Variants in GPAM observed in about 807,000 individuals in gnomAD.
GPAM encodes the protein glycerol-3-phosphate acyltransferase, mitochondrial.
A neutral mutation model predicts 105.0 loss-of-function variants in GPAM; 56 were observed. The ratio of observed to expected loss-of-function variants is 0.53; its 90% confidence interval spans 0.43 to 0.67. The LOEUF is 0.67. Among genes scored for constraint, GPAM ranks in the 30% least tolerant of loss-of-function variants. The pLI is 0.00. For missense variants in GPAM, 855 were observed against 989.8 expected (o/e 0.86, Z 1.83); for synonymous variants, 368 against 354.4 (o/e 1.04, Z -0.43).
chr10:112,168,442 C>T lies in GPAM; in HGVS notation c.977G>A (p.Cys326Tyr), dbSNP rs377719241. Residue 326 changes from cysteine (C) to tyrosine (Y), a missense_variant, in exon 11 of 22, where the codon TGT becomes TAT. Physicochemically the swap from Cys to Tyr is radical, Grantham distance 194 (BLOSUM62 -2). Coordinates refer to ENST00000348367, the MANE Select transcript of GPAM (RefSeq NM_001244949.2). ...GTRSRSGKTS[C>Y]ARAGLLSVVV... ...AACTGACAAAAGTCCTGCCCGAGCA[C>T]AAGAGGTTTTTCCACTCCTAGAACG... 6.2e-6 allele frequency: 10 copies of T among 1,612,122 alleles called. No homozygotes were observed. The African/African-American group carries it at 9.3e-5, about 15-fold the overall frequency.
rs895173125 is a variant in GPAM at position 112,151,497 on chromosome 10, G to C, written c.*2053C>G. ...AAGCATGCATATTTATCCTCACAGT[G>C]AGTTAAGTGGTGAGAGAGCTAGCAA... On this transcript the variant is annotated 3_prime_UTR_variant, in exon 22 of 22. Transcript: ENST00000348367. 1.0e-6 allele frequency: 1 copy of C among 985,712 alleles called. No homozygotes were observed. The highest frequency in any genetic ancestry group is 1.2e-6 in the Non-Finnish European group (1 of 829,814). The allele number at this position is 985,712 out of a possible 1,614,324, so 61.1% of individuals were successfully genotyped here.
chr10:112,209,242 T>C (rs1241467668), intron 1 of GPAM, among the ~76,000 whole-genome samples: 4 of 152,152 alleles, frequency 2.6e-5, no homozygotes, highest in Non-Finnish European at 5.9e-5. Context: ...GCAGGAATGA[T>C]GGTGTAGTCA....
At chr10:112,178,148 A>T in intron 4 of GPAM, 91 bp from the exon 5 acceptor site, 1 of 728,708 alleles carries the variant, frequency 1.4e-6, no homozygotes, top group Admixed American at 2.2e-5. Context: ...CTTTAATATC[A>T]AGCATAAAAA....
At chr10:112,181,135 C>T (rs975074048) in intron 3 of GPAM, among the ~76,000 whole-genome samples, 2 of 151,394 alleles carry the variant, frequency 1.3e-5, no homozygotes, top group Non-Finnish European at 2.9e-5. Context: ...TAACTTTGAG[C>T]TCAGTTGCTC....
the GPAM span, among the ~76,000 whole-genome samples, chr10:112,220,429 G>C: frequency 7.6e-4 from 112 of 148,178 alleles, no homozygotes; most frequent in African/African-American, 2.7e-3. Flanking sequence ...CATGCATCTA[G>C]AGCCATACTC....
chr10:112,153,144 C>T lies in GPAM; in HGVS notation c.*406G>A. 1 of 1,024,566 alleles carries T rather than the reference C, an allele frequency of 9.8e-7. No individual in the cohort carries two copies. Among genetic ancestry groups the T allele is most frequent in the Non-Finnish European group, 1.2e-6 (1 of 850,552 alleles). 63.5% of individuals were successfully genotyped at this position (1,024,566 alleles called of 1,614,324 possible). A position where few individuals can be genotyped will look rare whatever the true frequency, so the allele number is the denominator to read the frequency against. Reference sequence around the variant, plus strand: ...ATTAACCACTAACCAGATAATATACCAACAAATTACCCAGCAGCACTAAGT... The same window carrying T: ...ATTAACCACTAACCAGATAATATACTAACAAATTACCCAGCAGCACTAAGT... On this transcript the variant is annotated 3_prime_UTR_variant, in exon 22 of 22. Transcript: ENST00000348367.
Position 112,153,633 on chromosome 10 carries a change from C to T in GPAM, c.2404G>A (p.Val802Ile). The change falls in exon 22 of 22, where the codon GTT (valine) becomes ATT (isoleucine). Residue 802 changes from valine to isoleucine, a missense_variant. Val to Ile is a conservative substitution (Grantham distance 29). Transcript: ENST00000348367. ...FKETKQKRVSVLELSSTFLPQ... is the reference protein window; with the variant it reads ...FKETKQKRVSILELSSTFLPQ... ...AGAAAAGTGCTGCTCAGTTCTAAAA[C>T]AGACACTCTCTTTTGTTTGGTCTCC... 1.9e-6 allele frequency: 3 copies of T among 1,612,200 alleles called. No individual in the cohort carries two copies. Among genetic ancestry groups the T allele is most frequent in the East Asian group, 2.2e-5 (1 of 44,882 alleles).
upstream of GPAM, among the ~76,000 whole-genome samples, chr10:112,219,461 C>T (rs184908624): frequency 2.6e-5 from 4 of 152,328 alleles, no homozygotes; most frequent in Admixed American, 1.3e-4. Context: ...TGATTCGTGG[C>T]ACCAAGATCC....
At chr10:112,183,024 C>T (rs1418260620) in intron 1 of GPAM, 133 bp from the exon 2 acceptor site, 1 of 152,312 alleles carries the variant, frequency 6.6e-6, no homozygotes, top group Non-Finnish European at 1.5e-5. Flanking sequence ...GAAGCAATAT[C>T]CCAGAGGCAC....
chr10:112,178,012 C>T lies in GPAM; in HGVS notation c.271G>A (p.Val91Ile), dbSNP rs775175033. Residue 91 changes from valine to isoleucine, a missense_variant, in exon 5 of 22, where the codon GTT becomes ATT. Coordinates refer to ENST00000348367, the MANE Select transcript of GPAM (RefSeq NM_001244949.2). ...GTGTGAGTTTCATTGATATAAATAA[C>T]ATTCCGCAAACCCAAAGACGGGATA... ...PSIPSLGLRN[V>I]IYINETHTRH... 3 of 1,600,282 alleles carry T rather than the reference C, an allele frequency of 1.9e-6. No homozygotes were observed. The highest frequency in any genetic ancestry group is 1.7e-5 in the Admixed American group (1 of 59,966).
Position 112,152,068 on chromosome 10 carries a change from A to C in GPAM, c.*1482T>G, listed in dbSNP as rs1197355254. On this transcript the variant is annotated 3_prime_UTR_variant, in exon 22 of 22. Transcript: ENST00000348367. ...TCAGCATCCCTCCCTCTCCCAAAAC[A>C]CACATTACTCATGAGATACTATCAG... 1.0e-6 allele frequency: 1 copy of C among 982,576 alleles called. No individual in the cohort carries two copies. The highest frequency in any genetic ancestry group is 1.2e-6 in the Non-Finnish European group (1 of 827,496). 60.9% of individuals were successfully genotyped at this position (982,576 alleles called of 1,614,324 possible).
Position 112,160,025 on chromosome 10 carries a change from C to A in GPAM, c.1788G>T (p.Lys596Asn). 6.2e-7 allele frequency: 1 copy of A among 1,613,972 alleles called. No individual in the cohort carries two copies. Among genetic ancestry groups the A allele is most frequent in the Non-Finnish European group, 8.5e-7 (1 of 1,179,888 alleles). ...IACSLYAVLNKRGLGGPTSTP... is the reference protein window; with the variant it reads ...IACSLYAVLNNRGLGGPTSTP... ...TGCTAGTGGGACCCCCCAGTCCCCT[C>A]TTGTTCAGAACTGCATAAAGGCTGC... The change falls in exon 17 of 22, where the codon AAG becomes AAT. Residue 596 changes from lysine (K) to asparagine (N), a missense_variant. By Grantham distance (94) the Lys-to-Asn change is moderately conservative. Coordinates refer to ENST00000348367, the MANE Select transcript of GPAM (RefSeq NM_001244949.2).
At chr10:112,183,995 T>C (rs1440378652), upstream of GPAM, among the ~76,000 whole-genome samples, 1 of 152,244 alleles carries the variant, frequency 6.6e-6, no homozygotes, top group Non-Finnish European at 1.5e-5. Flanking sequence ...TACCTCATTC[T>C]GCTTTGTGTA....
chr10:112,187,513 A>C (rs1250822072), upstream of GPAM, among the ~76,000 whole-genome samples: 3 of 152,182 alleles, frequency 2.0e-5, no homozygotes, highest in African/African-American at 7.2e-5. Flanking sequence ...GGACAAACTG[A>C]TTCTACATAT....
At chr10:112,211,708 A>C (rs537276903) in intron 1 of GPAM, among the ~76,000 whole-genome samples, 356 of 152,324 alleles carry the variant, frequency 2.3e-3, no homozygotes, top group Non-Finnish European at 4.2e-3. Flanking sequence ...GTAAGCACAC[A>C]ACCCATATTT....
At chr10:112,164,127 G>C (rs892849197) in intron 13 of GPAM, among the ~76,000 whole-genome samples, 12 of 152,024 alleles carry the variant, frequency 7.9e-5, no homozygotes, top group Non-Finnish European at 1.6e-4. Flanking sequence ...ACATATTAAA[G>C]GAAAGGCTTC....
At chr10:112,159,490 T>A (rs1847083447) in intron 17 of GPAM, among the ~76,000 whole-genome samples, 2 of 152,178 alleles carry the variant, frequency 1.3e-5, no homozygotes. Flanking sequence ...CCCAAAGTGC[T>A]GAGATTACAG....
At position 112,200,244 on chromosome 10, in the gene GPAM, TAGAG is replaced by T. The variant is rs59715102; in HGVS notation, n.210+14920_210+14923del. ...CACTATATGTATATATATATATATA[TAGAG>T]AGAGAGAGAGAGAGAGAGAGAATAG... On this transcript the variant is annotated intron_variant and non_coding_transcript_variant, in intron 1 of 3. Transcript: ENST00000480130. 3.9e-3 allele frequency among the ~76,000 whole-genome samples: 482 copies of T among 123,516 alleles called. 4 individuals carry two copies. The highest frequency in any genetic ancestry group is 0.026 in the East Asian group (103 of 4,018). 81.0% of individuals were successfully genotyped at this position (123,516 alleles called of 152,430 possible). A position where few individuals can be genotyped will look rare whatever the true frequency, so the allele number is the denominator to read the frequency against.
chr10:112,215,516 G>T (rs1847958641), upstream of GPAM: 1 of 152,260 alleles, frequency 6.6e-6, no homozygotes, highest in Admixed American at 6.5e-5. Context: ...ACAGACCCAG[G>T]CTTCTGGAGT....
Sources: gnomAD v4.1 joint callset for allele counts (sites outside exome capture counted in the v4.1 genomes callset) on GRCh38, gnomAD v4.1.1 for gene constraint, MANE v1.5 for transcripts, NCBI Gene and HGNC (gene_info 2026-07-23, HGNC 2026-07-21) for gene names.